MTHFD1L: variants seen among roughly 807,000 people sequenced by gnomAD.
MTHFD1L encodes the protein monofunctional C1-tetrahydrofolate synthase, mitochondrial.
A neutral mutation model predicts 119.5 loss-of-function variants in MTHFD1L; 81 were observed. That is an observed-to-expected ratio of 0.68 (90% CI 0.57 to 0.82). The LOEUF (loss-of-function observed/expected upper bound fraction) is 0.82. Ranked by LOEUF, MTHFD1L falls within the 40% of genes least tolerant of loss-of-function variation. The pLI is 0.00. For missense variants in MTHFD1L, 1,125 were observed against 1,253.4 expected, an observed-to-expected ratio of 0.90 and a Z score of 1.55; for synonymous variants, 430 against 475.2, an observed-to-expected ratio of 0.90 and a Z score of 1.24.
chr6:151,073,148 G>C (rs1792120817), intron 26 of MTHFD1L, among the ~76,000 whole-genome samples: 1 of 152,156 alleles, frequency 6.6e-6, no homozygotes, highest in Non-Finnish European at 1.5e-5. Context: ...ATACATCAAG[G>C]GAAACCAAGG....
intron 7 of MTHFD1L, among the ~76,000 whole-genome samples, chr6:150,896,783 C>T (rs17080461): frequency 0.13 from 19,855 of 151,840 alleles, 1,574 homozygotes; most frequent in East Asian, 0.29. Context: ...ATTTGTGAGA[C>T]GATATATTCA....
At chr6:150,920,939 A>AT (rs869169480) in intron 9 of MTHFD1L, among the ~76,000 whole-genome samples, 1,227 of 96,776 alleles carry the variant, frequency 0.013, 65 homozygotes, top group East Asian at 0.018. Context: ...CACCCAGATA[A>AT]TTTTTTTTTT....
intron 26 of MTHFD1L, among the ~76,000 whole-genome samples, chr6:151,086,259 A>G (rs1400854499): frequency 6.6e-6 from 1 of 152,056 alleles, no homozygotes; most frequent in African/African-American, 2.4e-5. Flanking sequence ...TATTTTCATT[A>G]TATAGTGTGT....
intron 7 of MTHFD1L, among the ~76,000 whole-genome samples, chr6:150,898,440 GA>G (rs1387690572): frequency 6.6e-6 from 1 of 152,172 alleles, no homozygotes; most frequent in Non-Finnish European, 1.5e-5. Flanking sequence ...TTTCTCAAAG[GA>G]AACGGAATGC....
chr6:151,006,543 G>A lies in MTHFD1L; in HGVS notation c.2126-3276G>A, dbSNP rs138915426. ...AGACAGGAGAACATGGTGACTACAC[G>A]GGCGCATTGAAGGGGGGAGGAGCTA... is the stretch of plus-strand genomic sequence containing the variant. On this transcript the variant is annotated intron_variant, in intron 20 of 27. Coordinates refer to ENST00000367321, the MANE Select transcript of MTHFD1L (RefSeq NM_015440.5). Among the ~76,000 whole-genome samples the A allele has an allele frequency of 1.3e-3, 199 of 152,238 alleles. 2 individuals are homozygous for A. The highest frequency in any genetic ancestry group is 4.5e-3 in the African/African-American group (185 of 41,502).
chr6:151,041,824 A>G (rs1440744266), intron 26 of MTHFD1L: 1 of 532,608 alleles, frequency 1.9e-6, no homozygotes, highest in Non-Finnish European at 3.9e-6. Context: ...TCCCAACCCA[A>G]GCAAGTCCAT....
chr6:151,092,970 C>T (rs3849794), intron 27 of MTHFD1L, among the ~76,000 whole-genome samples: 47,752 of 152,088 alleles, frequency 0.31, 8,629 homozygotes, highest in East Asian at 0.57. Context: ...CTTCCTGCCA[C>T]GTATCTCTTG....
At chr6:151,049,970 G>C (rs1254283830) in intron 26 of MTHFD1L, among the ~76,000 whole-genome samples, 2 of 152,094 alleles carry the variant, frequency 1.3e-5, no homozygotes, top group Admixed American at 1.3e-4. Flanking sequence ...CCTACACCTT[G>C]TGGGAAGGAA....
intron 18 of MTHFD1L, among the ~76,000 whole-genome samples, chr6:150,961,968 A>G (rs1218130623): frequency 6.6e-6 from 1 of 152,088 alleles, no homozygotes; most frequent in African/African-American, 2.4e-5. Flanking sequence ...CTGCTTCCTT[A>G]AATCTATTTA....
At chr6:151,000,182 CA>C (rs1236845458) in intron 20 of MTHFD1L, among the ~76,000 whole-genome samples, 1 of 152,016 alleles carries the variant, frequency 6.6e-6, no homozygotes, top group African/African-American at 2.4e-5. Flanking sequence ...ACTAAAAATA[CA>C]AAAATTAGCT....
At chr6:150,953,825 G>A (rs747497896) in intron 16 of MTHFD1L, among the ~76,000 whole-genome samples, 3 of 152,172 alleles carry the variant, frequency 2.0e-5, no homozygotes, top group Admixed American at 1.3e-4. Flanking sequence ...TGCCAAGATC[G>A]TGTATACTAC....
chr6:150,985,677 A>G (rs908986078), intron 20 of MTHFD1L, among the ~76,000 whole-genome samples: 8 of 151,180 alleles, frequency 5.3e-5, no homozygotes, highest in Non-Finnish European at 8.9e-5. Context: ...AAAAAAAAAA[A>G]AAAAGAAAGA....
chr6:150,939,816 C>T (rs1792791306), intron 13 of MTHFD1L, among the ~76,000 whole-genome samples: 1 of 151,518 alleles, frequency 6.6e-6, no homozygotes, highest in African/African-American at 2.4e-5. Flanking sequence ...TCCTGAGTAG[C>T]TGGGATTACA....
chr6:151,062,286 A>T (rs1224715602), intron 26 of MTHFD1L, among the ~76,000 whole-genome samples: 3 of 152,116 alleles, frequency 2.0e-5, no homozygotes, highest in Non-Finnish European at 4.4e-5. Context: ...AATACAAAAA[A>T]AATTAGCCAG....
chr6:151,073,208 A>G (rs140015682), intron 26 of MTHFD1L, among the ~76,000 whole-genome samples: 132 of 152,326 alleles, frequency 8.7e-4, no homozygotes, highest in African/African-American at 3.0e-3. Context: ...CTGCATAGAG[A>G]GAGCTTTGCG....
At chr6:151,084,985 AT>A (rs1276275008) in intron 26 of MTHFD1L, among the ~76,000 whole-genome samples, 5,067 of 96,604 alleles carry the variant, frequency 0.052, 324 homozygotes, top group African/African-American at 0.2. Context: ...AAAAAAAAAA[AT>A]ATATATATAT....
intron 26 of MTHFD1L, among the ~76,000 whole-genome samples, chr6:151,064,806 T>C (rs1200992767): frequency 4.0e-5 from 6 of 151,844 alleles, no homozygotes; most frequent in African/African-American, 1.5e-4. Flanking sequence ...TTTTGTTTTT[T>C]TGTTTTTTTG....
chr6:150,877,713 CTA>C, intron 3 of MTHFD1L, 29 bp downstream of exon 3: 2 of 1,614,208 alleles, frequency 1.2e-6, no homozygotes, highest in Non-Finnish European at 1.7e-6. Flanking sequence ...AAAAAATTCA[CTA>C]TAACTTTTAA....
At chr6:150,912,884 G>T in intron 8 of MTHFD1L, 1 of 169,432 alleles carries the variant, frequency 5.9e-6, no homozygotes. Flanking sequence ...CACGGGCAGG[G>T]GGTGAAATAA....
Sources: allele counts gnomAD v4.1 joint callset (sites outside exome capture counted in the v4.1 genomes callset), GRCh38; gene constraint gnomAD v4.1.1; transcripts MANE v1.5; gene names NCBI Gene and HGNC (gene_info 2026-07-23, HGNC 2026-07-21).